SLC1A7: variants seen among roughly 807,000 people sequenced by gnomAD.
The protein encoded by SLC1A7 is solute carrier family 1 member 7.
Under a neutral mutation model 47.7 loss-of-function variants are expected in SLC1A7, and 40 were observed. The observed-to-expected ratio is 0.84, with a 90% confidence interval of 0.65 to 1.09. SLC1A7 has a LOEUF of 1.09. Ranked by LOEUF, SLC1A7 falls within the 50% of genes least tolerant of loss-of-function variation. SLC1A7 has a pLI of 0.00. For synonymous variants in SLC1A7, 323 were observed against 325.6 expected (o/e 0.99, Z 0.09); for missense variants, 746 against 769.5 (o/e 0.97, Z 0.36).
intron 1 of SLC1A7, among the ~76,000 whole-genome samples, chr1:53,142,015 C>T (rs1210206942): frequency 6.6e-6 from 1 of 152,184 alleles, no homozygotes; most frequent in African/African-American, 2.4e-5. Flanking sequence ...CAAGACCCCC[C>T]TCTTTCCCCG....
rs116225021 is a variant in SLC1A7 at position 53,099,997 on chromosome 1, G to C, written c.697+3349C>G. Among the ~76,000 whole-genome samples the C allele has an allele frequency of 2.0e-3, 280 of 142,326 alleles. 1 individual carries two copies. The highest frequency in any genetic ancestry group is 7.0e-3 in the African/African-American group (261 of 37,542). 93.4% of individuals were successfully genotyped at this position (142,326 alleles called of 152,430 possible). A position where few individuals can be genotyped will look rare whatever the true frequency, so the allele number is the denominator to read the frequency against. On this transcript the variant is annotated intron_variant, in intron 5 of 10. Transcript: ENST00000371494. ...CTCAGTACACTCACACACTCCATCT[G>C]AGTACACTCACACACCTTGTCTTGG...
intron 10 of SLC1A7, 89 bp downstream of exon 10, chr1:53,088,788 C>T (rs1291799230): frequency 1.1e-6 from 1 of 911,016 alleles, no homozygotes; most frequent in Non-Finnish European, 1.7e-6. Flanking sequence ...TGGCTGGAGG[C>T]TGCCGAGCTG....
At chr1:53,115,782 T>C (rs1306954647) in intron 2 of SLC1A7, 1 of 152,292 alleles carries the variant, frequency 6.6e-6, no homozygotes, top group Non-Finnish European at 1.5e-5. Flanking sequence ...GCTGTGGGTC[T>C]CTCTCCTCTC....
In SLC1A7 at chr1:53,129,508, TGAAGCACACA is replaced by T. The variant is rs1644918197; in HGVS notation, c.215+4832_215+4841del. Among the ~76,000 whole-genome samples, 957 of 98,538 alleles carry T rather than the reference TGAAGCACACA, an allele frequency of 9.7e-3. 1 individual carries two copies. The highest frequency in any genetic ancestry group is 0.015 in the East Asian group (50 of 3,278). The allele number at this position is 98,538 out of a possible 152,430, so 64.6% of individuals were successfully genotyped here. A position where few individuals can be genotyped will look rare whatever the true frequency, so the allele number is the denominator to read the frequency against. ...AAGCGTGGGCTGCACTCAGTTGGAC[TGAAGCACACA>T]TGTCTGAGGAGGGACTTGGGCCAGG... On this transcript the variant is annotated intron_variant, in intron 2 of 10. Coordinates refer to ENST00000371494, the MANE Select transcript of SLC1A7 (RefSeq NM_006671.6).
At chr1:53,117,859 T>A (rs1644778092) in intron 2 of SLC1A7, among the ~76,000 whole-genome samples, 1 of 152,230 alleles carries the variant, frequency 6.6e-6, no homozygotes, top group African/African-American at 2.4e-5. Context: ...GACCCCACCC[T>A]GGGGCCCCCA....
At chr1:53,111,387 C>G (rs977168773) in intron 3 of SLC1A7, among the ~76,000 whole-genome samples, 3 of 152,160 alleles carry the variant, frequency 2.0e-5, no homozygotes, top group Non-Finnish European at 2.9e-5. Context: ...GCGGTGCAGG[C>G]TACGACTTTG....
intron 2 of SLC1A7, chr1:53,115,318 A>T: frequency 3.1e-6 from 1 of 325,434 alleles, no homozygotes; most frequent in Non-Finnish European, 5.9e-6. Flanking sequence ...CAAGTTTCCC[A>T]TGCTTGGTGT....
At chr1:53,120,482 C>A (rs1054904671) in intron 2 of SLC1A7, among the ~76,000 whole-genome samples, 4 of 152,006 alleles carry the variant, frequency 2.6e-5, no homozygotes, top group African/African-American at 9.7e-5. Flanking sequence ...TGCCCTGCGT[C>A]CCCTGGGGCT....
chr1:53,113,059 C>T (rs996435264), intron 3 of SLC1A7, among the ~76,000 whole-genome samples: 23 of 152,160 alleles, frequency 1.5e-4, no homozygotes, highest in Admixed American at 1.4e-3. Flanking sequence ...CTGCAGCTTT[C>T]CCAGTCTGAG....
intron 2 of SLC1A7, among the ~76,000 whole-genome samples, chr1:53,124,333 T>A (rs1278869197): frequency 6.6e-6 from 1 of 151,640 alleles, no homozygotes; most frequent in Non-Finnish European, 1.5e-5. Context: ...TTGGCTGTCT[T>A]TGCTATGTTG....
Position 53,088,976 on chromosome 1 carries a change from G to C in SLC1A7, c.1365C>G (p.Asp455Glu), listed in dbSNP as rs1039737757. Residue 455 changes from aspartate (D) to glutamate (E), a missense_variant, in exon 10 of 11, where the codon GAC becomes GAG. Transcript: ENST00000371494. ...GCACGTTAATCATGGTGCGGAAACG[G>C]TCCCTGGTGAGCCAAGGTTGGGGGT... is the stretch of plus-strand genomic sequence containing the variant. ...TLIIAVDWAL[D>E]RFRTMINVLG... 1.3e-5 allele frequency: 21 copies of C among 1,613,816 alleles called. No homozygotes were observed. The highest frequency in any genetic ancestry group is 1.7e-5 in the Admixed American group (1 of 60,016).
In SLC1A7 at chr1:53,127,117, C is replaced by A. The variant is rs184548868; in HGVS notation, c.215+7233G>T. ...TATCTAATTTTTTAAAATATGAAAA[C>A]ATCTTTAAAGTTCAGCTCCTAACTG... On this transcript the variant is annotated intron_variant, in intron 2 of 10. Coordinates refer to ENST00000371494, the MANE Select transcript of SLC1A7 (RefSeq NM_006671.6). 2.8e-3 allele frequency among the ~76,000 whole-genome samples: 323 copies of A among 115,366 alleles called. 2 individuals are homozygous for A. The highest frequency in any genetic ancestry group is 0.01 in the African/African-American group (306 of 29,940). 75.7% of individuals were successfully genotyped at this position (115,366 alleles called of 152,430 possible). A position where few individuals can be genotyped will look rare whatever the true frequency, so the allele number is the denominator to read the frequency against.
rs376870782 is a variant in SLC1A7 at position 53,089,823 on chromosome 1, G to A, written c.1338C>T (p.Leu446=). The change falls in exon 9 of 11, where the codon CTC becomes CTT. Residue 446 remains leucine (L), a synonymous_variant. Transcript: ENST00000371494. ...SVGLPTDDIT[L]IIAVDWALDR... ...ACAGAGCCCAGTCAACGGCAATGAT[G>A]AGGGTGATGTCATCGGTGGGCAGTC... The A allele has an allele frequency of 7.4e-5, 120 of 1,613,928 alleles. 1 individual carries two copies. In the Middle Eastern group the frequency reaches 8.2e-4, roughly 11 times the overall value.
At chr1:53,111,661 G>T (rs1644702480) in intron 3 of SLC1A7, among the ~76,000 whole-genome samples, 1 of 152,188 alleles carries the variant, frequency 6.6e-6, no homozygotes, top group Non-Finnish European at 1.5e-5. Context: ...GCGAGAAAAG[G>T]GCAGATTTAT....
intron 2 of SLC1A7, among the ~76,000 whole-genome samples, chr1:53,121,374 C>T (rs962062665): frequency 6.6e-6 from 1 of 152,208 alleles, no homozygotes; most frequent in African/African-American, 2.4e-5. Flanking sequence ...GGAATGCCCA[C>T]GGTGTTGTGT....
chr1:53,095,145 T>G (rs1442672012), intron 5 of SLC1A7, among the ~76,000 whole-genome samples: 1 of 151,574 alleles, frequency 6.6e-6, no homozygotes, highest in Non-Finnish European at 1.5e-5. Context: ...GGAATGCAGC[T>G]GCACCCAGAC....
chr1:53,095,951 C>A (rs1193022187), intron 5 of SLC1A7, among the ~76,000 whole-genome samples: 12 of 151,028 alleles, frequency 7.9e-5, no homozygotes, highest in Non-Finnish European at 7.4e-5. Flanking sequence ...GGTACAGTCA[C>A]ACCACCTCGG....
chr1:53,119,411 C>T (rs777357687), intron 2 of SLC1A7, among the ~76,000 whole-genome samples: 7 of 152,264 alleles, frequency 4.6e-5, no homozygotes, highest in East Asian at 1.9e-4. Flanking sequence ...CTCAGTGGCA[C>T]GATCATGGCT....
rs912690553 is a variant in SLC1A7, at chr1:53,103,621, A to G, written c.475-53T>C. The G allele has an allele frequency of 3.1e-4, 334 of 1,078,504 alleles. 1 individual carries two copies. Among genetic ancestry groups the G allele is most frequent in the Non-Finnish European group, 5.9e-5 (44 of 748,180 alleles). The allele number at this position is 1,078,504 out of a possible 1,614,324, so 66.8% of individuals were successfully genotyped here. On this transcript the variant is annotated intron_variant, in intron 4 of 10. Transcript: ENST00000371494. ...AAGTCAGGGCCAAGGGTTGTTACTA[A>G]TATTAACGACAACAATAATAGCATC...
Sources: allele counts gnomAD v4.1 joint callset (sites outside exome capture counted in the v4.1 genomes callset), GRCh38; gene constraint gnomAD v4.1.1; transcripts MANE v1.5; gene names NCBI Gene and HGNC (gene_info 2026-07-23, HGNC 2026-07-21).